ING3: variants seen among roughly 807,000 people sequenced by gnomAD.
ING3 encodes the protein inhibitor of growth protein 3.
Under a neutral mutation model 64.8 loss-of-function variants are expected in ING3, and 6 were observed. That is an observed-to-expected ratio of 0.09 (90% CI 0.05 to 0.18). ING3 has a LOEUF of 0.18. Ranked by LOEUF, ING3 falls within the 10% of genes least tolerant of loss-of-function variation. The pLI is 1.00. For missense variants in ING3, 310 were observed against 489.7 expected, an observed-to-expected ratio of 0.63 and a Z score of 3.46; for synonymous variants, 170 against 173.7, an observed-to-expected ratio of 0.98 and a Z score of 0.17.
intron 9 of ING3, among the ~76,000 whole-genome samples, chr7:120,969,946 G>A (rs1034295457): frequency 3.3e-5 from 5 of 152,060 alleles, no homozygotes; most frequent in Admixed American, 1.3e-4. Flanking sequence ...TCATCTTAAT[G>A]GTACAAGTTT....
Position 120,976,263 on chromosome 7 carries a change from A to G in ING3, c.*1419A>G, listed in dbSNP as rs1475408407. On this transcript the variant is annotated 3_prime_UTR_variant, in exon 12 of 12. Coordinates refer to ENST00000315870, the MANE Select transcript of ING3 (RefSeq NM_019071.3). ...TTTTATATTGAAACTTACTGGGTCC[A>G]TCAGATTTCTGCTTTAATTAAACCA... 6.6e-6 allele frequency: 1 copy of G among 152,160 alleles called. No homozygotes were observed. Among genetic ancestry groups the G allele is most frequent in the African/African-American group, 2.4e-5 (1 of 41,448 alleles). 9.4% of individuals were successfully genotyped at this position (152,160 alleles called of 1,614,324 possible).
chr7:120,969,284 T>A, intron 9 of ING3, 80 bp downstream of exon 9: 1 of 1,105,012 alleles, frequency 9.0e-7, no homozygotes, highest in Non-Finnish European at 1.3e-6. Flanking sequence ...CCTCTCTATG[T>A]TAAAGGCAGG....
rs188106295 is a variant in ING3 at position 120,966,183 on chromosome 7, T to C, written c.365-443T>C. Among the ~76,000 whole-genome samples, 59 of 152,324 alleles carry C rather than the reference T, an allele frequency of 3.9e-4. No homozygotes were observed. In the East Asian group the frequency reaches 0.011, roughly 28 times the overall value. On this transcript the variant is annotated intron_variant, in intron 5 of 11. Coordinates refer to ENST00000315870, the MANE Select transcript of ING3 (RefSeq NM_019071.3). ...TTTTAGGAAGTCTTTATTATCATAA[T>C]GTCATTTTAATGATCAAATAATTTT...
intron 3 of ING3, among the ~76,000 whole-genome samples, chr7:120,954,825 GTGGGAGTTATAGAACAAC>G (rs1382446525): frequency 1.3e-5 from 2 of 152,138 alleles, no homozygotes; most frequent in Non-Finnish European, 2.9e-5. Context: ...CTAATTTAAA[GTGGGAGTTATAGAACAAC>G]TGGAAAATGG....
chr7:120,960,440 A>T (rs1334964634), intron 4 of ING3, among the ~76,000 whole-genome samples: 1 of 152,206 alleles, frequency 6.6e-6, no homozygotes, highest in East Asian at 1.9e-4. Flanking sequence ...ACATTATATT[A>T]TAGGAATTTT....
chr7:120,967,886 C>T, intron 7 of ING3, 48 bp from the exon 8 acceptor site: 1 of 1,584,892 alleles, frequency 6.3e-7, no homozygotes, highest in Non-Finnish European at 8.7e-7. Flanking sequence ...GACTCACTAA[C>T]ATTATGTTCT....
chr7:120,973,125 G>A (rs1380379909), intron 10 of ING3, 80 bp from the exon 11 acceptor site: 9 of 748,646 alleles, frequency 1.2e-5, no homozygotes, highest in Non-Finnish European at 2.1e-5. Context: ...TTTTCCAGCA[G>A]TATCATACAT....
rs201054245 is a variant in ING3, at chr7:120,951,208, A to G, written c.73A>G (p.Met25Val). ...GGATCTGCGGGACCGCTTCACGGAA[A>G]TGCGCGAGATGGACCTGCAGGTGCA... ...PMDLRDRFTE[M>V]REMDLQVQNA... is the part of the protein sequence containing the mutation. The change falls in exon 2 of 12, where the codon ATG becomes GTG. Residue 25 changes from methionine (M) to valine (V), a missense_variant. By Grantham distance (21) the Met-to-Val change is conservative. Coordinates refer to ENST00000315870, the MANE Select transcript of ING3 (RefSeq NM_019071.3). 1 of 1,614,172 alleles carries G rather than the reference A, an allele frequency of 6.2e-7. No homozygotes were observed. The highest frequency in any genetic ancestry group is 2.2e-5 in the East Asian group (1 of 44,880).
rs919341013 is a variant in ING3, at chr7:120,951,317, C to T, written c.100+82C>T. 6.1e-6 allele frequency: 8 copies of T among 1,309,540 alleles called. No individual in the cohort carries two copies. In the South Asian group the frequency reaches 8.4e-5, roughly 14 times the overall value. 81.1% of individuals were successfully genotyped at this position (1,309,540 alleles called of 1,614,324 possible). ...TTGTCATCACTGCTAGCGCCTAGTG[C>T]TCTTTCACTGTCCTCTGGCTCACTC... On this transcript the variant is annotated intron_variant, in intron 2 of 11. Coordinates refer to ENST00000315870, the MANE Select transcript of ING3 (RefSeq NM_019071.3).
chr7:120,960,179 A>C (rs111301114), intron 4 of ING3, among the ~76,000 whole-genome samples: 113 of 152,312 alleles, frequency 7.4e-4, no homozygotes, highest in African/African-American at 2.2e-3. Flanking sequence ...TACCAAGGGC[A>C]AAGTTTGGAG....
intron 4 of ING3, among the ~76,000 whole-genome samples, chr7:120,963,465 C>T (rs1290857271): frequency 6.6e-6 from 1 of 151,286 alleles, no homozygotes; most frequent in African/African-American, 2.4e-5. Context: ...CAGTTGTTTT[C>T]TGCATGCAGA....
rs1291598808 is a variant in ING3 at position 120,967,938 on chromosome 7, T to C, written c.561T>C (p.Cys187=). The change falls in exon 8 of 12, where the codon TGT becomes TGC. Residue 187 remains cysteine (C), a synonymous_variant. Transcript: ENST00000315870. ...TTCTTTTTTACATCTACACAGGTTG[T>C]CGAAATAATAATTCCACAGCCTCTT... The part of the protein sequence containing the change: ...SDASKENTLG[C]RNNNSTASSN... 6.2e-7 allele frequency: 1 copy of C among 1,614,070 alleles called. No individual in the cohort carries two copies. Among genetic ancestry groups the C allele is most frequent in the East Asian group, 2.2e-5 (1 of 44,864 alleles).
At chr7:120,971,777 A>G (rs1426229347) in intron 10 of ING3, among the ~76,000 whole-genome samples, 1 of 152,204 alleles carries the variant, frequency 6.6e-6, no homozygotes, top group African/African-American at 2.4e-5. Context: ...CATTTTATAC[A>G]TCTAATTTCT....
intron 2 of ING3, among the ~76,000 whole-genome samples, chr7:120,951,938 T>A (rs544889862): frequency 6.6e-6 from 1 of 152,354 alleles, no homozygotes; most frequent in East Asian, 1.9e-4. Context: ...TATAAATAGG[T>A]GGCTCAGGGA....
At chr7:120,957,940 A>G (rs1307594146) in intron 4 of ING3, among the ~76,000 whole-genome samples, 1 of 152,146 alleles carries the variant, frequency 6.6e-6, no homozygotes, top group Non-Finnish European at 1.5e-5. Context: ...ACCTTACTGA[A>G]GGGTTTGCAT....
intron 10 of ING3, among the ~76,000 whole-genome samples, chr7:120,972,398 A>G (rs994839193): frequency 6.6e-6 from 1 of 152,202 alleles, no homozygotes; most frequent in African/African-American, 2.4e-5. Context: ...CTGTTCCACT[A>G]TCACCCGATA....
chr7:120,972,190 T>C (rs1796078682), intron 10 of ING3, among the ~76,000 whole-genome samples: 1 of 152,116 alleles, frequency 6.6e-6, no homozygotes, highest in Admixed American at 6.6e-5. Flanking sequence ...ATTATATACT[T>C]AGAAGGGCTT....
At position 120,956,424 on chromosome 7, in the gene ING3, A is replaced by C. The variant is rs1795848464; in HGVS notation, c.267+800A>C. ...TATTACTGAACAAGTACGTGTAAGT[A>C]AAATGTCATTGGTGAGCAGGACACA... On this transcript the variant is annotated intron_variant, in intron 4 of 11. Transcript: ENST00000315870. The C allele has an allele frequency of 2.4e-6, 3 of 1,242,552 alleles. No homozygotes were observed. The South Asian group carries it at 5.3e-5, about 22-fold the overall frequency. 77.0% of individuals were successfully genotyped at this position (1,242,552 alleles called of 1,614,324 possible). A position where few individuals can be genotyped will look rare whatever the true frequency, so the allele number is the denominator to read the frequency against.
chr7:120,954,665 A>C (rs1237626886), intron 3 of ING3, among the ~76,000 whole-genome samples: 1 of 152,200 alleles, frequency 6.6e-6, no homozygotes. Flanking sequence ...TCATTTCTTT[A>C]ACCTGTGGAG....
Sources: allele counts gnomAD v4.1 joint callset (sites outside exome capture counted in the v4.1 genomes callset), GRCh38; gene constraint gnomAD v4.1.1; transcripts MANE v1.5; gene names NCBI Gene and HGNC (gene_info 2026-07-23, HGNC 2026-07-21).